The following TNRC6B variants were observed in gnomAD, a reference collection of about 807,000 sequenced individuals.
TNRC6B encodes trinucleotide repeat containing adaptor 6B, also known as trinucleotide repeat-containing gene 6B protein.
A neutral mutation model predicts 203.6 loss-of-function variants in TNRC6B; 52 were observed. That is an observed-to-expected ratio of 0.26 (90% CI 0.20 to 0.32). TNRC6B has a LOEUF of 0.32. Ranked by LOEUF, TNRC6B falls within the 10% of genes least tolerant of loss-of-function variation. The pLI is 1.00. For synonymous variants in TNRC6B, 838 were observed against 845.7 expected, an observed-to-expected ratio of 0.99 and a Z score of 0.16; for missense variants, 1,923 against 2,286.2, an observed-to-expected ratio of 0.84 and a Z score of 3.24.
chr22:40,243,396 G>A (rs146365865), intron 1 of TNRC6B, among the ~76,000 whole-genome samples: 37 of 152,250 alleles, frequency 2.4e-4, no homozygotes, highest in African/African-American at 7.9e-4. Flanking sequence ...AAAAAACAGG[G>A]TGAAAGTATA....
intron 3 of TNRC6B, among the ~76,000 whole-genome samples, chr22:40,136,750 C>A (rs1011985393): frequency 6.6e-6 from 1 of 151,942 alleles, no homozygotes; most frequent in African/African-American, 2.4e-5. Flanking sequence ...AAAGTAAGCT[C>A]TAGGGTTTCA....
intron 12 of TNRC6B, among the ~76,000 whole-genome samples, chr22:40,290,321 T>C (rs2070852858): frequency 6.6e-6 from 1 of 152,206 alleles, no homozygotes; most frequent in Non-Finnish European, 1.5e-5. Context: ...CAGGAAGTTC[T>C]GCACAGCACT....
intron 9 of TNRC6B, 106 bp from the exon 10 acceptor site, chr22:40,279,889 T>C: frequency 5.6e-6 from 5 of 890,876 alleles, no homozygotes; most frequent in Admixed American, 2.3e-5. Context: ...GAAATATTAA[T>C]AGCTTATACC....
intron 3 of TNRC6B, among the ~76,000 whole-genome samples, chr22:40,151,585 T>C (rs2068755969): frequency 6.9e-6 from 1 of 144,584 alleles, no homozygotes; most frequent in Non-Finnish European, 1.5e-5. Flanking sequence ...AAAAACTCTC[T>C]AGAATATCCT....
chr22:40,097,669 TACACACACACACACACACAC>T (rs6147625), intron 1 of TNRC6B, among the ~76,000 whole-genome samples: 16 of 135,636 alleles, frequency 1.2e-4, no homozygotes, highest in South Asian at 4.8e-4. Context: ...AGGTATATCA[TACACACACACACACACACAC>T]ACACACACAC....
At chr22:40,058,268 C>G (rs545734760) in intron 1 of TNRC6B, among the ~76,000 whole-genome samples, 2 of 152,250 alleles carry the variant, frequency 1.3e-5, no homozygotes, top group East Asian at 3.9e-4. Flanking sequence ...AAAAAAGGCT[C>G]TTGGTAGAAA....
At chr22:40,108,350 G>A (rs548293526) in intron 1 of TNRC6B, among the ~76,000 whole-genome samples, 4 of 152,320 alleles carry the variant, frequency 2.6e-5, no homozygotes, top group South Asian at 2.1e-4. Context: ...GATTCACCAC[G>A]GAGGTTAGCT....
At chr22:40,099,686 G>C (rs752315293) in intron 1 of TNRC6B, among the ~76,000 whole-genome samples, 2 of 152,216 alleles carry the variant, frequency 1.3e-5, no homozygotes, top group African/African-American at 4.8e-5. Flanking sequence ...ACAGGAAGAT[G>C]TGTACCTAAG....
At chr22:40,226,477 G>T (rs182533753) in intron 1 of TNRC6B, among the ~76,000 whole-genome samples, 1 of 152,136 alleles carries the variant, frequency 6.6e-6, no homozygotes, top group Admixed American at 6.5e-5. Context: ...AGTAGATACC[G>T]TGTGATCTCA....
intron 1 of TNRC6B, among the ~76,000 whole-genome samples, chr22:40,209,154 A>T (rs1229389370): frequency 6.6e-6 from 1 of 152,144 alleles, no homozygotes; most frequent in Non-Finnish European, 1.5e-5. Flanking sequence ...CAGCCATTTA[A>T]TTTTGCTGTT....
intron 1 of TNRC6B, among the ~76,000 whole-genome samples, chr22:40,208,892 C>T (rs2069521492): frequency 6.6e-6 from 1 of 152,142 alleles, no homozygotes; most frequent in Non-Finnish European, 1.5e-5. Context: ...AAGGAAAGAC[C>T]TAGTGATCCT....
intron 2 of TNRC6B, among the ~76,000 whole-genome samples, chr22:40,122,723 G>A (rs575412726): frequency 1.4e-4 from 21 of 152,302 alleles, no homozygotes; most frequent in Admixed American, 4.6e-4. Flanking sequence ...GGAGATCACT[G>A]GGGATCGGAC....
chr22:40,120,954 A>G (rs970076406), intron 2 of TNRC6B, among the ~76,000 whole-genome samples: 2 of 152,190 alleles, frequency 1.3e-5, no homozygotes, highest in African/African-American at 4.8e-5. Flanking sequence ...GGGAAAAGGG[A>G]GAGAAAAGGG....
At chr22:40,305,106 G>A (rs191337955) in intron 15 of TNRC6B, among the ~76,000 whole-genome samples, 207 of 152,282 alleles carry the variant, frequency 1.4e-3, no homozygotes, top group African/African-American at 4.5e-3. Context: ...GCCAAAAGTC[G>A]TGAACAGACC....
chr22:40,275,741 C>A lies in TNRC6B; in HGVS notation c.3142-1336C>A, dbSNP rs2070633014. Among the ~76,000 whole-genome samples, 5 of 151,194 alleles carry A rather than the reference C, an allele frequency of 3.3e-5. No homozygotes were observed. The South Asian group carries it at 8.4e-4, about 25-fold the overall frequency. On this transcript the variant is annotated intron_variant, in intron 7 of 22. Transcript: ENST00000454349. Reference sequence around the variant, plus strand: ...TGGGAGGCTGAGGCAGGTGAATCACCTGAGGTCAAGAGTTCAAGACCAGCC... The same window carrying A: ...TGGGAGGCTGAGGCAGGTGAATCACATGAGGTCAAGAGTTCAAGACCAGCC...
chr22:40,192,131 A>G (rs1220223041), intron 1 of TNRC6B, among the ~76,000 whole-genome samples: 2 of 152,212 alleles, frequency 1.3e-5, no homozygotes, highest in Non-Finnish European at 2.9e-5. Context: ...AAGTGCTGAG[A>G]TAAGATCCAG....
chr22:40,082,600 A>C (rs2068070933), intron 1 of TNRC6B, among the ~76,000 whole-genome samples: 1 of 152,234 alleles, frequency 6.6e-6, no homozygotes, highest in Admixed American at 6.5e-5. Context: ...AGCCAGTCTA[A>C]TTTGCATTTT....
chr22:40,294,073 C>CAAAAAAAAAA (rs11354611), intron 12 of TNRC6B, among the ~76,000 whole-genome samples: 6 of 80,298 alleles, frequency 7.5e-5, no homozygotes, highest in African/African-American at 9.9e-5. Flanking sequence ...CCCATCTCTA[C>CAAAAAAAAAA]AAAAAAAAAA....
chr22:40,308,681 A>G, intron 16 of TNRC6B, 32 bp downstream of exon 16: 1 of 1,586,522 alleles, frequency 6.3e-7, no homozygotes, highest in South Asian at 1.1e-5. Flanking sequence ...AGAGCCCCCA[A>G]CCCACAGCAG....
Sources: allele counts gnomAD v4.1 joint callset (sites outside exome capture counted in the v4.1 genomes callset), GRCh38; gene constraint gnomAD v4.1.1; transcripts MANE v1.5; gene names NCBI Gene and HGNC (gene_info 2026-07-23, HGNC 2026-07-21).